MTOR: variants seen among roughly 807,000 people sequenced by gnomAD.
The protein encoded by MTOR is serine/threonine-protein kinase mTOR.
MTOR carries 70 observed loss-of-function variants against 319.8 expected under a neutral mutation model. The observed-to-expected ratio is 0.22, with a 90% confidence interval of 0.18 to 0.27. MTOR has a LOEUF of 0.27. Ranked by LOEUF, MTOR falls within the 10% of genes least tolerant of loss-of-function variation. The probability of loss-of-function intolerance (pLI) is 1.00; values close to 1 mark genes in which losing one functional copy is unlikely to be tolerated. For synonymous variants in MTOR, 1,183 were observed against 1,211.4 expected (o/e 0.98, Z 0.49); for missense variants, 1,890 against 3,274.4 (o/e 0.58, Z 10.32).
At chr1:11,225,231 T>G (rs1646792476) in intron 19 of MTOR, among the ~76,000 whole-genome samples, 1 of 152,052 alleles carries the variant, frequency 6.6e-6, no homozygotes, top group Non-Finnish European at 1.5e-5. Context: ...TTTTAAATTT[T>G]CCCCCCACAT....
intron 49 of MTOR, among the ~76,000 whole-genome samples, chr1:11,119,745 CA>C (rs925991572): frequency 6.2e-4 from 69 of 110,750 alleles, no homozygotes; most frequent in Admixed American, 7.8e-4. Context: ...GACCTTGTCT[CA>C]AAAAAAAAAA....
chr1:11,174,053 A>T (rs1344530483), intron 28 of MTOR, among the ~76,000 whole-genome samples: 4 of 152,242 alleles, frequency 2.6e-5, no homozygotes, highest in Non-Finnish European at 5.9e-5. Context: ...TGAAGAAAAC[A>T]CAGCCCAGTA....
At chr1:11,195,124 A>C (rs1227871182) in intron 28 of MTOR, 66 of 1,223,902 alleles carry the variant, frequency 5.4e-5, no homozygotes, top group Non-Finnish European at 7.4e-5. Context: ...GGTAGGACTG[A>C]GAAACAGCCT....
At chr1:11,142,889 T>A (rs571843205) in intron 34 of MTOR, among the ~76,000 whole-genome samples, 1 of 152,278 alleles carries the variant, frequency 6.6e-6, no homozygotes, top group African/African-American at 2.4e-5. Flanking sequence ...CAAAGAAAAG[T>A]AACAAACATG....
chr1:11,217,690 C>T (rs1484160508), intron 19 of MTOR, among the ~76,000 whole-genome samples: 2 of 151,378 alleles, frequency 1.3e-5, no homozygotes, highest in African/African-American at 4.9e-5. Flanking sequence ...CGATTACAGT[C>T]GTGAGCCACC....
At chr1:11,227,752 A>C (rs1401758783) in intron 19 of MTOR, among the ~76,000 whole-genome samples, 1 of 152,242 alleles carries the variant, frequency 6.6e-6, no homozygotes, top group Non-Finnish European at 1.5e-5. Flanking sequence ...AAAATTAGAA[A>C]GTCATCACTT....
In MTOR at chr1:11,133,005, C is replaced by G; in HGVS notation, c.5364+75G>C. 2 of 1,283,056 alleles carry G rather than the reference C, an allele frequency of 1.6e-6. No homozygotes were observed. Among genetic ancestry groups the G allele is most frequent in the Non-Finnish European group, 1.1e-6 (1 of 884,994 alleles). 79.5% of individuals were successfully genotyped at this position (1,283,056 alleles called of 1,614,324 possible). A position where few individuals can be genotyped will look rare whatever the true frequency, so the allele number is the denominator to read the frequency against. The stretch of plus-strand genomic sequence containing the variant: ...TCAGCCTAGCTCCGCAGAAGCTCAG[C>G]TGTAACCACGAGCACACAGGAGGAC... On this transcript the variant is annotated intron_variant, in intron 38 of 57. Coordinates refer to ENST00000361445, the MANE Select transcript of MTOR (RefSeq NM_004958.4). The surrounding 1 kb of genome is among the most constrained non-coding windows in gnomAD (Gnocchi z 4.0).
At chr1:11,189,826 G>A (rs763866546) in intron 28 of MTOR, 1 of 1,614,078 alleles carries the variant, frequency 6.2e-7, no homozygotes, top group East Asian at 2.2e-5. Flanking sequence ...GCAGGTGATG[G>A]AGCTGGAGAG....
chr1:11,202,626 TA>T lies in MTOR; in HGVS notation c.3944+1934del, dbSNP rs886731111. Among the ~76,000 whole-genome samples the T allele has an allele frequency of 8.8e-5, 13 of 147,368 alleles. No homozygotes were observed. The South Asian group carries it at 1.1e-3, about 12-fold the overall frequency. ...AAAATCTATAAAAATTTTTAAAAAT[TA>T]AAAAAAAAATGGTGATGACTCATGC... is the stretch of plus-strand genomic sequence containing the variant. On this transcript the variant is annotated intron_variant, in intron 26 of 57. Transcript: ENST00000361445.
In MTOR at chr1:11,189,847, C is replaced by T. The variant is rs779740660; in HGVS notation, c.4253+9411G>A. 32 of 1,614,190 alleles carry T rather than the reference C, an allele frequency of 2.0e-5. No individual in the cohort carries two copies. Among genetic ancestry groups the T allele is most frequent in the African/African-American group, 4.0e-5 (3 of 75,056 alleles). On this transcript the variant is annotated intron_variant, in intron 28 of 57. Transcript: ENST00000361445. ...GATGGAGCTGGAGAGCAACAGCAAGCGCATGGAGTCGCGGCTCACAGATGC... is the reference window on the plus strand; with the variant it reads ...GATGGAGCTGGAGAGCAACAGCAAGTGCATGGAGTCGCGGCTCACAGATGC...
chr1:11,257,130 G>A lies in MTOR; in HGVS notation c.307C>T (p.Arg103Ter), dbSNP rs768374086. The A allele has an allele frequency of 6.2e-7, 1 of 1,613,684 alleles. No homozygotes were observed. The highest frequency in any genetic ancestry group is 8.5e-7 in the Non-Finnish European group (1 of 1,179,842). The part of the protein sequence containing the change: ...LIGVEGGNAT[R>*]IGRFANYLRN... ...AGATAGTTGGCAAATCTGCCAATTC[G>A]GGTGGCATTCCCACCTTCCACTCCT... Residue 103 changes from arginine to a stop codon, truncating the protein, a stop_gained, in exon 4 of 58, where the codon CGA (arginine) becomes TGA (stop). Transcript: ENST00000361445. LOFTEE classifies it high-confidence loss of function.
chr1:11,186,809 T>C (rs1645335033), intron 28 of MTOR, among the ~76,000 whole-genome samples: 1 of 152,218 alleles, frequency 6.6e-6, no homozygotes, highest in Non-Finnish European at 1.5e-5. Context: ...GATAATCTTC[T>C]GGCATGAGAA....
intron 30 of MTOR, among the ~76,000 whole-genome samples, chr1:11,154,363 A>G (rs2100554543): frequency 6.6e-6 from 1 of 152,020 alleles, no homozygotes; most frequent in Admixed American, 6.6e-5. Flanking sequence ...AAGTTTTGGG[A>G]TTACAGGTGT....
At chr1:11,235,232 T>A (rs920206445) in intron 13 of MTOR, among the ~76,000 whole-genome samples, 6 of 152,024 alleles carry the variant, frequency 3.9e-5, no homozygotes, top group Admixed American at 1.3e-4. Flanking sequence ...GCGGGGCCAA[T>A]CCAAAGAACC....
chr1:11,184,417 TA>T (rs1169968418), intron 28 of MTOR, among the ~76,000 whole-genome samples: 1 of 152,216 alleles, frequency 6.6e-6, no homozygotes, highest in East Asian at 1.9e-4. Flanking sequence ...TCTCACGTTC[TA>T]AATCATTCAT....
Position 11,224,022 on chromosome 1 carries a change from G to C in MTOR, c.3030+4646C>G, listed in dbSNP as rs1224025093. On this transcript the variant is annotated intron_variant, in intron 19 of 57. Transcript: ENST00000361445. ...CCATTGCACTCCACCCTGGCAACAA[G>C]AGCGATACTCCGTCTCAAAATAAAA... 3.4e-5 allele frequency among the ~76,000 whole-genome samples: 5 copies of C among 148,986 alleles called. No individual in the cohort carries two copies. In the Admixed American group the frequency reaches 3.4e-4, roughly 10 times the overall value.
intron 5 of MTOR, among the ~76,000 whole-genome samples, chr1:11,254,801 G>A (rs950174100): frequency 2.0e-5 from 3 of 147,892 alleles, no homozygotes; most frequent in African/African-American, 7.5e-5. Flanking sequence ...GTCTCACTCT[G>A]TTGTCAAGTC....
At chr1:11,119,851 A>C (rs1455240340) in intron 49 of MTOR, among the ~76,000 whole-genome samples, 4 of 151,568 alleles carry the variant, frequency 2.6e-5, no homozygotes, top group Admixed American at 6.6e-5. Context: ...GGTAACTTCT[A>C]ACTTTAAAAA....
rs1357654664 is a variant in MTOR, at chr1:11,210,902, T to C, written c.3566A>G (p.Gln1189Arg). ...SLVFQLGKKY[Q>R]IFIPMVNKVL... ...TTTATTCACCATTGGAATGAAAATT[T>C]GGTACTAAAACAGGAGGGGGAAGAG... Residue 1189 changes from glutamine to arginine, a missense_variant, in exon 24 of 58, where the codon CAA becomes CGA. Physicochemically the swap from Gln to Arg is conservative, Grantham distance 43. This residue lies in a region of MTOR where 115 missense variants were observed against 105.7 expected (regional missense o/e 1.09). Coordinates refer to ENST00000361445, the MANE Select transcript of MTOR (RefSeq NM_004958.4). 8 of 1,611,066 alleles carry C rather than the reference T, an allele frequency of 5.0e-6. No homozygotes were observed. The South Asian group carries it at 8.8e-5, about 18-fold the overall frequency.
Sources: allele counts gnomAD v4.1 joint callset (sites outside exome capture counted in the v4.1 genomes callset), GRCh38; gene constraint gnomAD v4.1.1; regional missense constraint gnomAD v4.1.1; non-coding constraint Gnocchi (gnomAD v3.1); transcripts MANE v1.5; gene names NCBI Gene and HGNC (gene_info 2026-07-23, HGNC 2026-07-21).